PCDH15: variants seen among roughly 807,000 people sequenced by gnomAD.
The protein encoded by PCDH15 is protocadherin related 15.
In PCDH15, 129 loss-of-function variants were observed where a neutral mutation model predicts 178.5. The observed-to-expected ratio is 0.72, with a 90% CI of 0.63 to 0.84. The LOEUF (loss-of-function observed/expected upper bound fraction) is 0.84, where lower values mean the gene tolerates loss of function less well. Among genes scored for constraint, PCDH15 ranks in the 40% least tolerant of loss-of-function variants. The pLI is 0.00. For synonymous variants in PCDH15, 800 were observed against 732.0 expected (o/e 1.09, Z -1.50); for missense variants, 2,230 against 2,099.9 (o/e 1.06, Z -1.21).
intron 18 of PCDH15, among the ~76,000 whole-genome samples, chr10:54,045,189 A>G (rs976252143): frequency 1.4e-5 from 2 of 147,966 alleles, no homozygotes; most frequent in Middle Eastern, 3.4e-3. Flanking sequence ...TCAAGGGTTC[A>G]GGGTGGGAAT....
intron 2 of PCDH15, among the ~76,000 whole-genome samples, chr10:55,499,868 G>C (rs1163655317): frequency 1.3e-5 from 2 of 151,538 alleles, no homozygotes; most frequent in African/African-American, 4.8e-5. Context: ...TATAAAATAG[G>C]CTAAGTAAAT....
intron 2 of PCDH15, among the ~76,000 whole-genome samples, chr10:55,425,428 T>C (rs755303312): frequency 1.6e-4 from 25 of 152,214 alleles, no homozygotes; most frequent in Non-Finnish European, 3.1e-4. Context: ...TGTATTATCA[T>C]AATTAGAGAC....
chr10:54,830,700 A>G lies in PCDH15; in HGVS notation c.-29+66750T>C, dbSNP rs113053368. Among the ~76,000 whole-genome samples, 558 of 152,066 alleles carry G rather than the reference A, an allele frequency of 3.7e-3. 1 individual carries two copies. The highest frequency in any genetic ancestry group is 0.013 in the African/African-American group (535 of 41,500). ...GTATACATATGTAACAAACCTGCAC[A>G]TTATGTACATGTACCCTAAAACTTA... On this transcript the variant is annotated intron_variant, in intron 3 of 5. Transcript: ENST00000458638.
rs71430804 is a variant in PCDH15, at chr10:54,717,317, A to C, written c.-28-53027T>G. Among the ~76,000 whole-genome samples the C allele has an allele frequency of 2.1e-3, 248 of 118,634 alleles. 4 individuals are homozygous for C. Among genetic ancestry groups the C allele is most frequent in the African/African-American group, 7.9e-3 (231 of 29,394 alleles). The allele number at this position is 118,634 out of a possible 152,430, so 77.8% of individuals were successfully genotyped here. ...GCAAAAGAAACTACCATCAGAGTGA[A>C]CAGGCAACCTACAAAATGGGAGAAA... On this transcript the variant is annotated intron_variant, in intron 1 of 37. Coordinates refer to ENST00000644397, the MANE Select transcript of PCDH15 (RefSeq NM_001384140.1).
rs1564690931 is a variant in PCDH15, at chr10:53,888,310, G to GTATATGTATATATATACGTA, written c.3501+14932_3501+14933insTACGTATATATATACATATA. On this transcript the variant is annotated intron_variant, in intron 26 of 37. Coordinates refer to ENST00000644397, the MANE Select transcript of PCDH15 (RefSeq NM_001384140.1). The stretch of plus-strand genomic sequence containing the variant: ...TATATACATATATATATATATATAT[G>GTATATGTATATATATACGTA]TATATATGTACGTATATATATGTAC... 6.6e-3 allele frequency among the ~76,000 whole-genome samples: 190 copies of GTATATGTATATATATACGTA among 28,684 alleles called. 6 individuals carry two copies. In the East Asian group the frequency reaches 0.12, roughly 18 times the overall value. The allele number at this position is 28,684 out of a possible 152,430, so 18.8% of individuals were successfully genotyped here.
chr10:54,897,995 C>T (rs916121849), intron 2 of PCDH15, among the ~76,000 whole-genome samples: 9 of 152,084 alleles, frequency 5.9e-5, no homozygotes, highest in Admixed American at 3.9e-4. Flanking sequence ...CATGTTGAGA[C>T]GTAATCTCCA....
chr10:55,146,075 T>C (rs1298598781), intron 2 of PCDH15, among the ~76,000 whole-genome samples: 1 of 151,956 alleles, frequency 6.6e-6, no homozygotes, highest in Non-Finnish European at 1.5e-5. Context: ...GAGTAGGTTT[T>C]ACGGAAAAGT....
At chr10:54,608,925 C>T (rs2092864161) in intron 2 of PCDH15, among the ~76,000 whole-genome samples, 4 of 151,864 alleles carry the variant, frequency 2.6e-5, no homozygotes, top group Admixed American at 2.0e-4. Flanking sequence ...TATAATCATA[C>T]CCAAATTTTT....
At chr10:55,332,515 C>T (rs1844228580) in intron 2 of PCDH15, among the ~76,000 whole-genome samples, 1 of 152,058 alleles carries the variant, frequency 6.6e-6, no homozygotes, top group South Asian at 2.1e-4. Flanking sequence ...TTGGAGGATA[C>T]TAGAGAACCA....
At chr10:55,178,872 C>T (rs1287043210) in intron 1 of PCDH15, among the ~76,000 whole-genome samples, 4 of 152,072 alleles carry the variant, frequency 2.6e-5, no homozygotes, top group South Asian at 2.1e-4. Flanking sequence ...CTCCCCTAAA[C>T]AGAAATCTCT....
intron 3 of PCDH15, among the ~76,000 whole-genome samples, chr10:54,470,254 C>A (rs78756573): frequency 0.09 from 13,643 of 152,178 alleles, 792 homozygotes; most frequent in East Asian, 0.27. Context: ...CAAGTTTCAG[C>A]CCTAGGTGAC....
intron 3 of PCDH15, among the ~76,000 whole-genome samples, chr10:54,853,366 C>CAT (rs375046492): frequency 0.02 from 2,776 of 136,976 alleles, 113 homozygotes; most frequent in African/African-American, 0.07. Context: ...TACACACACA[C>CAT]ATATATATAT....
intron 1 of PCDH15, among the ~76,000 whole-genome samples, chr10:54,723,775 A>C (rs1942042874): frequency 6.6e-6 from 1 of 151,838 alleles, no homozygotes; most frequent in Non-Finnish European, 1.5e-5. Context: ...ACAGCCAACA[A>C]ACACATAAAA....
chr10:55,460,546 A>G (rs930748764), intron 2 of PCDH15, among the ~76,000 whole-genome samples: 12 of 151,986 alleles, frequency 7.9e-5, no homozygotes, highest in African/African-American at 2.9e-4. Flanking sequence ...TTTGGTTTTT[A>G]TATCTGGGAC....
intron 2 of PCDH15, among the ~76,000 whole-genome samples, chr10:55,357,844 G>T (rs1225164403): frequency 6.6e-6 from 1 of 151,876 alleles, no homozygotes; most frequent in Non-Finnish European, 1.5e-5. Flanking sequence ...AGTTTCTACT[G>T]CCCCCATACA....
At chr10:54,594,845 A>C (rs1253181623) in intron 2 of PCDH15, among the ~76,000 whole-genome samples, 1 of 152,218 alleles carries the variant, frequency 6.6e-6, no homozygotes, top group Non-Finnish European at 1.5e-5. Flanking sequence ...CTCTGCCACC[A>C]CCAGTGCTCC....
At chr10:55,093,684 C>G (rs944891904) in intron 2 of PCDH15, among the ~76,000 whole-genome samples, 1 of 151,928 alleles carries the variant, frequency 6.6e-6, no homozygotes. Context: ...CCAGTTTCAA[C>G]AAATTTACAA....
At chr10:53,888,883 G>A (rs1175271625) in intron 26 of PCDH15, among the ~76,000 whole-genome samples, 1 of 150,246 alleles carries the variant, frequency 6.7e-6, no homozygotes, top group African/African-American at 2.4e-5. Context: ...ACAGGTCAAT[G>A]AAATAGAATA....
intron 3 of PCDH15, among the ~76,000 whole-genome samples, chr10:54,883,694 A>G (rs1337213295): frequency 3.3e-5 from 5 of 151,942 alleles, no homozygotes; most frequent in African/African-American, 1.2e-4. Flanking sequence ...GAAATTCATT[A>G]TTATTTACAA....
Sources: allele counts gnomAD v4.1 joint callset (sites outside exome capture counted in the v4.1 genomes callset), GRCh38; gene constraint gnomAD v4.1.1; transcripts MANE v1.5; gene names NCBI Gene and HGNC (gene_info 2026-07-23, HGNC 2026-07-21).